TRAK1: variants seen among roughly 807,000 people sequenced by gnomAD.
The protein encoded by TRAK1 is trafficking kinesin protein 1.
TRAK1 carries 33 observed loss-of-function variants against 92.1 expected under a neutral mutation model. The ratio of observed to expected loss-of-function variants is 0.36; its 90% confidence interval spans 0.27 to 0.48. The LOEUF (loss-of-function observed/expected upper bound fraction) is 0.48, where lower values mean the gene tolerates loss of function less well. Among genes scored for constraint, TRAK1 ranks in the 20% least tolerant of loss-of-function variants. The probability of loss-of-function intolerance (pLI) is 0.99; values close to 1 mark genes in which losing one functional copy is unlikely to be tolerated. For synonymous variants in TRAK1, 521 were observed against 517.3 expected, an observed-to-expected ratio of 1.01 and a Z score of -0.10; for missense variants, 1,123 against 1,257.9, an observed-to-expected ratio of 0.89 and a Z score of 1.62.
At chr3:42,028,095 C>T (rs1701988096) in intron 1 of TRAK1, among the ~76,000 whole-genome samples, 1 of 152,198 alleles carries the variant, frequency 6.6e-6, no homozygotes, top group Non-Finnish European at 1.5e-5. Flanking sequence ...AGGTGATCCA[C>T]CTGCCTTGGC....
chr3:42,089,798 A>G (rs1020437291), upstream of TRAK1, among the ~76,000 whole-genome samples: 1 of 151,590 alleles, frequency 6.6e-6, no homozygotes, highest in Non-Finnish European at 1.5e-5. Context: ...CCAAACTTGC[A>G]GTAGACTAAA....
rs77995587 is a variant in TRAK1 at position 42,067,294 on chromosome 3, G to A, written c.-518-19810G>A. 3.4e-4 allele frequency among the ~76,000 whole-genome samples: 52 copies of A among 152,242 alleles called. 1 individual carries two copies. In the East Asian group the frequency reaches 0.01, roughly 29 times the overall value. On this transcript the variant is annotated intron_variant, in intron 1 of 16. Transcript: ENST00000487159. ...GTGATACAGTTTGTTCTGAAAATTA[G>A]GTATTTAAGGACTTTGTCAATTATG... is the stretch of plus-strand genomic sequence containing the variant.
intron 2 of TRAK1, among the ~76,000 whole-genome samples, chr3:42,140,706 G>T (rs949895795): frequency 1.3e-5 from 2 of 152,224 alleles, no homozygotes; most frequent in Admixed American, 1.3e-4. Flanking sequence ...TCTGAAGCAA[G>T]TGGAAGGAAG....
chr3:42,188,991 G>A, intron 5 of TRAK1, 25 bp from the exon 6 acceptor site: 3 of 1,549,664 alleles, frequency 1.9e-6, no homozygotes, highest in Admixed American at 1.7e-5. Context: ...GTCTCCCTAG[G>A]TTGTGAGCGT....
rs1710590707 is a variant in TRAK1, at chr3:42,223,812, C to G, written c.*75C>G. ...TTGCTCCCACCTCCCTCTCTTCCCCCCACAGTGCACTCCCTCCCTCTGCCC... is the reference window on the plus strand; with the variant it reads ...TTGCTCCCACCTCCCTCTCTTCCCCGCACAGTGCACTCCCTCCCTCTGCCC... On this transcript the variant is annotated 3_prime_UTR_variant, in exon 16 of 16. Coordinates refer to ENST00000327628, the MANE Select transcript of TRAK1 (RefSeq NM_001042646.3). This position sits in a 1 kb window ranked among gnomAD's most constrained non-coding sequence, Gnocchi z 6.1. 1.4e-5 allele frequency: 20 copies of G among 1,479,796 alleles called. No individual in the cohort carries two copies. The Middle Eastern group carries it at 5.5e-4, about 41-fold the overall frequency. 91.7% of individuals were successfully genotyped at this position (1,479,796 alleles called of 1,614,324 possible).
chr3:42,157,457 CAAAAAAAAAA>C (rs60622565), intron 2 of TRAK1, among the ~76,000 whole-genome samples: 30 of 31,110 alleles, frequency 9.6e-4, no homozygotes, highest in African/African-American at 2.5e-3. Flanking sequence ...GACCCTGTCT[CAAAAAAAAAA>C]AAAAAAAAAA....
At chr3:42,214,689 A>G (rs1709460871) in intron 14 of TRAK1, among the ~76,000 whole-genome samples, 1 of 152,240 alleles carries the variant, frequency 6.6e-6, no homozygotes, top group East Asian at 1.9e-4. Flanking sequence ...TAAGTTGTGC[A>G]GAAACCAGAA....
At chr3:42,047,346 C>T (rs1026204266) in intron 1 of TRAK1, among the ~76,000 whole-genome samples, 2 of 150,998 alleles carry the variant, frequency 1.3e-5, no homozygotes, top group South Asian at 2.1e-4. Context: ...CAGGTACACA[C>T]CACTGTGCCC....
intron 10 of TRAK1, 137 bp from the exon 11 acceptor site, chr3:42,199,040 A>G: frequency 9.8e-6 from 8 of 817,862 alleles, no homozygotes; most frequent in Non-Finnish European, 1.4e-5. Flanking sequence ...AGTGCTGTTA[A>G]GTTTGTGTTG....
chr3:42,194,445 C>T (rs1002382700), intron 9 of TRAK1, among the ~76,000 whole-genome samples: 3 of 151,884 alleles, frequency 2.0e-5, no homozygotes, highest in African/African-American at 7.3e-5. Flanking sequence ...CCATGTCGCC[C>T]AGGCTGGTCT....
At chr3:42,194,698 C>A in intron 9 of TRAK1, 106 bp from the exon 10 acceptor site, 2 of 1,383,892 alleles carry the variant, frequency 1.4e-6, no homozygotes, top group South Asian at 1.4e-5. Context: ...TCCACACGTG[C>A]TGGGGACTCT....
At chr3:42,141,092 A>G (rs1489503963) in intron 2 of TRAK1, among the ~76,000 whole-genome samples, 1 of 152,200 alleles carries the variant, frequency 6.6e-6, no homozygotes, top group Non-Finnish European at 1.5e-5. Flanking sequence ...TCATAACTGC[A>G]TCATTTATAT....
chr3:42,187,318 C>T (rs918826320), intron 4 of TRAK1, among the ~76,000 whole-genome samples: 1 of 152,064 alleles, frequency 6.6e-6, no homozygotes, highest in African/African-American at 2.4e-5. Context: ...TCTCCAGGAC[C>T]CTATTTGGAG....
intron 1 of TRAK1, among the ~76,000 whole-genome samples, chr3:42,073,133 G>A (rs979600121): frequency 2.6e-5 from 4 of 152,150 alleles, no homozygotes; most frequent in African/African-American, 7.2e-5. Context: ...TCTGTAACAG[G>A]GGCTGCCTGG....
Position 42,193,217 on chromosome 3 carries a change from C to A in TRAK1, c.900+12C>A. 6.2e-7 allele frequency: 1 copy of A among 1,613,604 alleles called. No individual in the cohort carries two copies. The highest frequency in any genetic ancestry group is 8.5e-7 in the Non-Finnish European group (1 of 1,179,736). On this transcript the variant is annotated intron_variant, in intron 8 of 15. Coordinates refer to ENST00000327628, the MANE Select transcript of TRAK1 (RefSeq NM_001042646.3). ...AAAAGGCAAAAGCTGTAAGGCTTCT[C>A]TGTTTATCTGGCTGATACAACAATG...
chr3:42,193,314 G>T (rs906320567), intron 8 of TRAK1, 109 bp downstream of exon 8: 2 of 1,457,856 alleles, frequency 1.4e-6, no homozygotes, highest in Non-Finnish European at 1.8e-6. Flanking sequence ...TTAGCAGTTC[G>T]TGTTGCCGCT....
intron 2 of TRAK1, among the ~76,000 whole-genome samples, chr3:42,172,459 G>A (rs1702688385): frequency 1.3e-5 from 2 of 152,134 alleles, no homozygotes; most frequent in African/African-American, 4.8e-5. Flanking sequence ...CAATTTCCTT[G>A]CATTAATCCA....
At chr3:42,213,743 G>A (rs1709352734) in intron 14 of TRAK1, among the ~76,000 whole-genome samples, 1 of 152,210 alleles carries the variant, frequency 6.6e-6, no homozygotes. Flanking sequence ...GGTCTGGAAG[G>A]AAAAGTCTGG....
At chr3:42,088,390 G>A (rs558449185), upstream of TRAK1, among the ~76,000 whole-genome samples, 2 of 152,040 alleles carry the variant, frequency 1.3e-5, no homozygotes, top group African/African-American at 2.4e-5. Context: ...GTTGTCCTCC[G>A]CTTGTGACTG....
Sources: allele counts gnomAD v4.1 joint callset (sites outside exome capture counted in the v4.1 genomes callset), GRCh38; gene constraint gnomAD v4.1.1; non-coding constraint Gnocchi (gnomAD v3.1); transcripts MANE v1.5; gene names NCBI Gene and HGNC (gene_info 2026-07-23, HGNC 2026-07-21).